The following VSTM4 variants were observed in gnomAD, a reference collection of about 807,000 sequenced individuals.
VSTM4 encodes V-set and transmembrane domain containing 4, also known as V-set and transmembrane domain-containing protein 4.
VSTM4 carries 20 observed loss-of-function variants against 36.4 expected under a neutral mutation model. That is an observed-to-expected ratio of 0.55 (90% confidence interval 0.39 to 0.80). VSTM4 has a LOEUF of 0.80. Among genes scored for constraint, VSTM4 ranks in the 30% least tolerant of loss-of-function variants. The pLI is 0.00. For synonymous variants in VSTM4, 182 were observed against 173.9 expected (o/e 1.05, Z -0.37); for missense variants, 392 against 404.5 (o/e 0.97, Z 0.26).
intron 2 of VSTM4, among the ~76,000 whole-genome samples, chr10:49,088,016 T>C (rs1844404951): frequency 6.7e-6 from 1 of 148,340 alleles, no homozygotes; most frequent in African/African-American, 2.5e-5. Flanking sequence ...AATATATGTA[T>C]ATATACATAT....
chr10:49,087,844 T>A (rs1347914063), intron 2 of VSTM4, among the ~76,000 whole-genome samples: 2 of 150,946 alleles, frequency 1.3e-5, no homozygotes, highest in Non-Finnish European at 2.9e-5. Context: ...ACCTATCTAG[T>A]CCTTCAGATA....
chr10:49,064,287 C>T (rs1843932265), intron 5 of VSTM4: 1 of 190,988 alleles, frequency 5.2e-6, no homozygotes, highest in Non-Finnish European at 1.1e-5. Context: ...TCTCTTATAA[C>T]TATTATGTTA....
intron 7 of VSTM4, among the ~76,000 whole-genome samples, chr10:49,020,133 AAAC>A (rs1843160184): frequency 6.6e-6 from 1 of 152,256 alleles, no homozygotes; most frequent in Non-Finnish European, 1.5e-5. Flanking sequence ...GTGGAGATGG[AAAC>A]AAAAAAATTC....
intron 1 of VSTM4, among the ~76,000 whole-genome samples, chr10:49,110,279 G>T (rs1844869309): frequency 6.6e-6 from 1 of 152,194 alleles, no homozygotes; most frequent in Non-Finnish European, 1.5e-5. Context: ...GAAACCAGAA[G>T]GATGTGCCAA....
intron 7 of VSTM4, among the ~76,000 whole-genome samples, chr10:49,044,549 A>AAAGGAAGG (rs368852454): frequency 1.3e-5 from 2 of 150,878 alleles, no homozygotes; most frequent in Admixed American, 6.6e-5. Context: ...AGAAAGGAAG[A>AAAGGAAGG]AAGGAAGGAA....
At chr10:49,056,796 C>T (rs1843787282) in intron 5 of VSTM4, among the ~76,000 whole-genome samples, 1 of 152,206 alleles carries the variant, frequency 6.6e-6, no homozygotes, top group Admixed American at 6.5e-5. Context: ...TTTTCTGTCA[C>T]CTGGTATATT....
intron 2 of VSTM4, among the ~76,000 whole-genome samples, chr10:49,086,263 A>C (rs1844369231): frequency 6.6e-6 from 1 of 152,242 alleles, no homozygotes. Flanking sequence ...GATGCAGTTC[A>C]GTAAAAGCCC....
chr10:49,100,142 C>T (rs7079570), intron 2 of VSTM4, among the ~76,000 whole-genome samples: 42,564 of 152,104 alleles, frequency 0.28, 7,085 homozygotes, highest in African/African-American at 0.47. Context: ...GAAAAAGCCA[C>T]GGTTGCCTCA....
intron 4 of VSTM4, 105 bp from the exon 5 acceptor site, chr10:49,064,841 T>C (rs950453618): frequency 2.5e-6 from 3 of 1,209,932 alleles, no homozygotes; most frequent in Admixed American, 2.0e-5. Flanking sequence ...GTTCAGGTAT[T>C]GGTGCTATAC....
intron 5 of VSTM4, among the ~76,000 whole-genome samples, chr10:49,051,621 C>A (rs1283630900): frequency 6.6e-6 from 1 of 152,138 alleles, no homozygotes; most frequent in African/African-American, 2.4e-5. Flanking sequence ...GTCTTGAACT[C>A]CTGACCTCAG....
intron 2 of VSTM4, among the ~76,000 whole-genome samples, chr10:49,087,903 T>TAA (rs1330734920): frequency 1.4e-5 from 2 of 147,302 alleles, no homozygotes; most frequent in African/African-American, 5.0e-5. Flanking sequence ...ATTATATATG[T>TAA]TATATATGTA....
chr10:49,108,011 G>A lies in VSTM4; in HGVS notation c.56-16C>T. 1 of 1,538,758 alleles carries A rather than the reference G, an allele frequency of 6.5e-7. No individual in the cohort carries two copies. The stretch of plus-strand genomic sequence containing the variant: ...GCACAGACCTCTGCAGAGAAAAAGG[G>A]GAGAAGAGAGGATGAGGAGGGCCCC... On this transcript the variant is annotated splice_polypyrimidine_tract_variant and intron_variant, in intron 1 of 7. Transcript: ENST00000332853.
chr10:49,024,106 C>G (rs182512788), intron 7 of VSTM4, among the ~76,000 whole-genome samples: 27 of 152,278 alleles, frequency 1.8e-4, no homozygotes, highest in Middle Eastern at 3.4e-3. Flanking sequence ...TCCTCTCTCC[C>G]AGGGCTGTTT....
At position 49,014,336 on chromosome 10, in the gene VSTM4, G is replaced by A. The variant is rs1007796511; in HGVS notation, c.*5314C>T. On this transcript the variant is annotated 3_prime_UTR_variant, in exon 8 of 8. Transcript: ENST00000332853. ...ATTATATTTAAAACTGTAGAGTGCA[G>A]TACATTAACATTTAACAATCAGACA... is the stretch of plus-strand genomic sequence containing the variant. 3.9e-5 allele frequency: 6 copies of A among 152,192 alleles called. No individual in the cohort carries two copies. The highest frequency in any genetic ancestry group is 1.2e-4 in the African/African-American group (5 of 41,430). The allele number at this position is 152,192 out of a possible 1,614,324, so 9.4% of individuals were successfully genotyped here.
intron 5 of VSTM4, among the ~76,000 whole-genome samples, chr10:49,057,455 G>A (rs145848624): frequency 5.6e-4 from 85 of 152,336 alleles, no homozygotes; most frequent in African/African-American, 1.9e-3. Context: ...TGTGCCTGCT[G>A]TGGAGGATGA....
At position 49,077,206 on chromosome 10, in the gene VSTM4, T is replaced by C. The variant is rs1193635384; in HGVS notation, c.634+13A>G. 10 of 1,613,210 alleles carry C rather than the reference T, an allele frequency of 6.2e-6. No individual in the cohort carries two copies. The highest frequency in any genetic ancestry group is 7.6e-6 in the Non-Finnish European group (9 of 1,179,788). On this transcript the variant is annotated intron_variant, in intron 4 of 7. Coordinates refer to ENST00000332853, the MANE Select transcript of VSTM4 (RefSeq NM_001031746.5). ...TGCTCCCATCCCAGACATGACCTTA[T>C]CTGTTTTCTTACCTCTGGATTTCCG...
At chr10:49,092,389 G>A (rs1215159387) in intron 2 of VSTM4, among the ~76,000 whole-genome samples, 1 of 152,182 alleles carries the variant, frequency 6.6e-6, no homozygotes, top group Admixed American at 6.5e-5. Flanking sequence ...CCTGCTGTGA[G>A]AAACCAGGCC....
chr10:49,086,081 G>T, intron 2 of VSTM4, 58 bp from the exon 3 acceptor site: 2 of 1,119,094 alleles, frequency 1.8e-6, no homozygotes, highest in South Asian at 1.5e-5. Flanking sequence ...TGGTACACAT[G>T]GCACTTACAT....
rs980945858 is a variant in VSTM4, at chr10:49,054,136, G to A, written c.669-5552C>T. Among the ~76,000 whole-genome samples the A allele has an allele frequency of 3.3e-5, 5 of 152,294 alleles. No individual in the cohort carries two copies. In the East Asian group the frequency reaches 9.7e-4, roughly 29 times the overall value. ...GTCACCAGCTGAGAAGGGGACATGG[G>A]ACTTGATCCATGTTGGCCTGCTTCC... On this transcript the variant is annotated intron_variant, in intron 5 of 7. Coordinates refer to ENST00000332853, the MANE Select transcript of VSTM4 (RefSeq NM_001031746.5).
Sources: allele counts gnomAD v4.1 joint callset (sites outside exome capture counted in the v4.1 genomes callset), GRCh38; gene constraint gnomAD v4.1.1; transcripts MANE v1.5; gene names NCBI Gene and HGNC (gene_info 2026-07-23, HGNC 2026-07-21).